Variants in CCDC85A observed in about 807,000 individuals in gnomAD.
CCDC85A encodes the protein coiled-coil domain containing 85A.
In CCDC85A, 38 loss-of-function variants were observed where a neutral mutation model predicts 50.2. The observed-to-expected ratio is 0.76, with a 90% confidence interval of 0.58 to 0.99. The LOEUF (loss-of-function observed/expected upper bound fraction) is 0.99. Ranked by LOEUF, CCDC85A falls within the 50% of genes least tolerant of loss-of-function variation. The pLI is 0.00. For synonymous variants in CCDC85A, 366 were observed against 301.4 expected (o/e 1.21, Z -2.22); for missense variants, 820 against 742.0 (o/e 1.11, Z -1.22).
intron 2 of CCDC85A, among the ~76,000 whole-genome samples, chr2:56,278,548 A>C (rs13432878): frequency 0.1 from 15,377 of 152,060 alleles, 2,528 homozygotes; most frequent in African/African-American, 0.35. Context: ...TAGGCATGGG[A>C]GTAGCCTGGT....
chr2:56,347,850 G>T (rs1331760293), intron 3 of CCDC85A, among the ~76,000 whole-genome samples: 2 of 152,128 alleles, frequency 1.3e-5, no homozygotes, highest in Non-Finnish European at 2.9e-5. Flanking sequence ...TCCTTTTCTT[G>T]ATGGTCACAA....
chr2:56,351,585 C>A (rs1233806107), intron 3 of CCDC85A, among the ~76,000 whole-genome samples: 1 of 143,026 alleles, frequency 7.0e-6, no homozygotes, highest in Non-Finnish European at 1.5e-5. Flanking sequence ...TTTTGATTTG[C>A]ATTTCTCTGA....
At chr2:56,282,490 T>C (rs1324869636) in intron 2 of CCDC85A, among the ~76,000 whole-genome samples, 1 of 152,224 alleles carries the variant, frequency 6.6e-6, no homozygotes, top group Non-Finnish European at 1.5e-5. Flanking sequence ...ATATGAAATC[T>C]TCTCATTGAC....
rs201540051 is a variant in CCDC85A, at chr2:56,285,468, AATTAT to A, written c.1241-57401_1241-57397del. On this transcript the variant is annotated intron_variant, in intron 2 of 5. Coordinates refer to ENST00000407595, the MANE Select transcript of CCDC85A (RefSeq NM_001080433.2). ...TAATAATATAATTAATTATATTATT[AATTAT>A]ATTATATTAATATTACATTAATAAT... Among the ~76,000 whole-genome samples, 901 of 144,578 alleles carry A rather than the reference AATTAT, an allele frequency of 6.2e-3. 9 individuals carry two copies. The highest frequency in any genetic ancestry group is 0.022 in the African/African-American group (838 of 38,830). The allele number at this position is 144,578 out of a possible 152,430, so 94.8% of individuals were successfully genotyped here.
intron 3 of CCDC85A, among the ~76,000 whole-genome samples, chr2:56,364,755 T>C (rs370036852): frequency 2.6e-5 from 4 of 152,354 alleles, no homozygotes; most frequent in Non-Finnish European, 1.5e-5. Flanking sequence ...TACATTCAAA[T>C]AGACATTAAA....
chr2:56,249,226 A>T (rs1428338182), intron 2 of CCDC85A, among the ~76,000 whole-genome samples: 1 of 152,260 alleles, frequency 6.6e-6, no homozygotes, highest in Non-Finnish European at 1.5e-5. Context: ...CTATAGGAGC[A>T]GGGCCGCCAG....
At chr2:56,324,514 A>G (rs1273962587) in intron 2 of CCDC85A, among the ~76,000 whole-genome samples, 1 of 152,072 alleles carries the variant, frequency 6.6e-6, no homozygotes. Context: ...TCTTATTAGA[A>G]TGGAATTTTC....
At chr2:56,311,113 T>C (rs999333664) in intron 2 of CCDC85A, among the ~76,000 whole-genome samples, 35 of 152,278 alleles carry the variant, frequency 2.3e-4, no homozygotes, top group African/African-American at 7.9e-4. Flanking sequence ...GAAATAATGA[T>C]TTTGATTCCT....
intron 2 of CCDC85A, among the ~76,000 whole-genome samples, chr2:56,197,305 T>C (rs987886527): frequency 2.6e-5 from 4 of 151,794 alleles, no homozygotes; most frequent in African/African-American, 9.7e-5. Flanking sequence ...CCCTGGGCTT[T>C]ACCTCTGAGC....
intron 2 of CCDC85A, among the ~76,000 whole-genome samples, chr2:56,294,672 A>G (rs1671869807): frequency 6.6e-6 from 1 of 152,226 alleles, no homozygotes; most frequent in Admixed American, 6.5e-5. Context: ...ACTGACAATG[A>G]CAGATAAAAC....
intron 2 of CCDC85A, among the ~76,000 whole-genome samples, chr2:56,223,846 C>T (rs1313029439): frequency 1.3e-5 from 2 of 152,130 alleles, no homozygotes; most frequent in African/African-American, 4.8e-5. Flanking sequence ...TTCCATTTCC[C>T]TAAATAACGC....
chr2:56,317,285 C>T (rs1003741094), intron 2 of CCDC85A, among the ~76,000 whole-genome samples: 1 of 152,038 alleles, frequency 6.6e-6, no homozygotes, highest in Non-Finnish European at 1.5e-5. Flanking sequence ...AATATATTTT[C>T]CACAAAATAA....
At chr2:56,319,913 A>C (rs186377194) in intron 2 of CCDC85A, among the ~76,000 whole-genome samples, 3 of 152,308 alleles carry the variant, frequency 2.0e-5, no homozygotes, top group Admixed American at 2.0e-4. Flanking sequence ...GCAAATGTAA[A>C]AGAACAGAAA....
At chr2:56,337,316 T>G (rs1406148563) in intron 2 of CCDC85A, among the ~76,000 whole-genome samples, 1 of 152,222 alleles carries the variant, frequency 6.6e-6, no homozygotes, top group Non-Finnish European at 1.5e-5. Flanking sequence ...CAATATCGTT[T>G]GCTTCACCTT....
chr2:56,241,912 T>G (rs367801707), intron 2 of CCDC85A, among the ~76,000 whole-genome samples: 26 of 152,328 alleles, frequency 1.7e-4, no homozygotes, highest in African/African-American at 6.3e-4. Context: ...CAAATTGTTC[T>G]TCATAGTGTT....
intron 2 of CCDC85A, among the ~76,000 whole-genome samples, chr2:56,311,645 G>T (rs214036): frequency 0.12 from 18,316 of 151,964 alleles, 1,357 homozygotes; most frequent in Middle Eastern, 0.19. Flanking sequence ...CTAACATTTG[G>T]TGAGAATCTA....
intron 2 of CCDC85A, among the ~76,000 whole-genome samples, chr2:56,230,634 C>T (rs1236525961): frequency 6.6e-6 from 1 of 152,220 alleles, no homozygotes; most frequent in African/African-American, 2.4e-5. Context: ...GTTACCTCCT[C>T]TGAGAGTCCT....
chr2:56,231,903 A>C (rs950768871), intron 2 of CCDC85A, among the ~76,000 whole-genome samples: 1 of 151,926 alleles, frequency 6.6e-6, no homozygotes, highest in Non-Finnish European at 1.5e-5. Flanking sequence ...TCTCCTATTC[A>C]ACCACCCACA....
At chr2:56,185,485 T>C (rs1448547936) in intron 1 of CCDC85A, among the ~76,000 whole-genome samples, 3 of 152,148 alleles carry the variant, frequency 2.0e-5, no homozygotes, top group African/African-American at 4.8e-5. Context: ...TTCCTGTGCT[T>C]TCCCTCTCCC....
Sources: allele counts gnomAD v4.1 joint callset (sites outside exome capture counted in the v4.1 genomes callset), GRCh38; gene constraint gnomAD v4.1.1; transcripts MANE v1.5; gene names NCBI Gene and HGNC (gene_info 2026-07-23, HGNC 2026-07-21).